GASK1B: variants seen among roughly 807,000 people sequenced by gnomAD.
The protein encoded by GASK1B is golgi associated kinase 1B.
Under a neutral mutation model 42.8 loss-of-function variants are expected in GASK1B, and 34 were observed. That is an observed-to-expected ratio of 0.79 (90% CI 0.60 to 1.06). The LOEUF is 1.06. Ranked by LOEUF, GASK1B falls within the 50% of genes least tolerant of loss-of-function variation. The pLI, the probability that GASK1B is intolerant of heterozygous loss-of-function variation, is 0.00. For missense variants in GASK1B, 686 were observed against 661.0 expected (o/e 1.04, Z -0.42); for synonymous variants, 262 against 259.1 (o/e 1.01, Z -0.11).
rs17279270 is a variant in GASK1B at position 158,171,453 on chromosome 4, A to G, written c.-78T>C. 0.11 allele frequency: 154,876 copies of G among 1,446,334 alleles called. 9,077 individuals carry two copies. Among genetic ancestry groups the G allele is most frequent in the Non-Finnish European group, 0.12 (131,388 of 1,091,268 alleles). 89.6% of individuals were successfully genotyped at this position (1,446,334 alleles called of 1,614,324 possible). On this transcript the variant is annotated 5_prime_UTR_variant, in exon 2 of 5. Transcript: ENST00000585682. ...TGCTAATGTGATGCATGGTTTCCTG[A>G]CTTCAGCTGCCGCGTCCGCTTCGGG... is the stretch of plus-strand genomic sequence containing the variant.
At position 158,170,266 on chromosome 4, in the gene GASK1B, C is replaced by T. The variant is rs148372081; in HGVS notation, c.910+200G>A. ...GCTTACTCTTGCATGTCCAATACAG[C>T]ATTTCCCTGGAACTCTCATATCCTC... On this transcript the variant is annotated intron_variant, in intron 2 of 4. Coordinates refer to ENST00000585682, the MANE Select transcript of GASK1B (RefSeq NM_001128424.2). 5 of 1,614,108 alleles carry T rather than the reference C, an allele frequency of 3.1e-6. No homozygotes were observed. In the African/African-American group the frequency reaches 5.3e-5, roughly 17 times the overall value.
chr4:158,132,915 A>G (rs1479898641), intron 3 of GASK1B, among the ~76,000 whole-genome samples: 1 of 152,232 alleles, frequency 6.6e-6, no homozygotes, highest in Non-Finnish European at 1.5e-5. Flanking sequence ...TTTGATTGAC[A>G]TGAGAATAAG....
At chr4:158,142,489 A>G (rs1237063295) in intron 3 of GASK1B, among the ~76,000 whole-genome samples, 1 of 152,032 alleles carries the variant, frequency 6.6e-6, no homozygotes, top group Non-Finnish European at 1.5e-5. Context: ...AAGCAATGCT[A>G]TTTTTTTTCT....
In GASK1B at chr4:158,127,413, A is replaced by T. The variant is rs770046119; in HGVS notation, c.1554T>A (p.Asn518Lys). The T allele has an allele frequency of 4.4e-5, 71 of 1,611,974 alleles. No homozygotes were observed. The highest frequency in any genetic ancestry group is 5.9e-5 in the Non-Finnish European group (70 of 1,178,974). The change falls in exon 5 of 5, where the codon AAT (asparagine) becomes AAA (lysine). Residue 518 changes from asparagine to lysine, a missense_variant. By Grantham distance (94) the Asn-to-Lys change is moderately conservative. Transcript: ENST00000585682. ...NAHGVKVLPM[N>K]E ...TAGCCAGAAGATTCTTTTGTCATTCATTCATAGGTAATACTTTGACCCCGT... is the reference window on the plus strand; with the variant it reads ...TAGCCAGAAGATTCTTTTGTCATTCTTTCATAGGTAATACTTTGACCCCGT...
chr4:158,149,175 C>T (rs1313264391), intron 3 of GASK1B, among the ~76,000 whole-genome samples: 1 of 152,182 alleles, frequency 6.6e-6, no homozygotes, highest in African/African-American at 2.4e-5. Context: ...GCAAAGTGCT[C>T]TTCTCTTTTG....
At chr4:158,131,074 A>G (rs1730665930) in intron 3 of GASK1B, 62 bp from the exon 4 acceptor site, 1 of 1,386,216 alleles carries the variant, frequency 7.2e-7, no homozygotes, top group Non-Finnish European at 1.0e-6. Context: ...GAAAGTTACA[A>G]GATTTTCAAA....
At chr4:158,167,122 T>C (rs1732258022) in intron 2 of GASK1B, 1 of 152,228 alleles carries the variant, frequency 6.6e-6, no homozygotes, top group African/African-American at 2.4e-5. Context: ...AATTTATTTT[T>C]ATAAACATTA....
chr4:158,161,121 AT>A (rs1232418358), intron 2 of GASK1B, among the ~76,000 whole-genome samples: 1 of 152,148 alleles, frequency 6.6e-6, no homozygotes, highest in African/African-American at 2.4e-5. Flanking sequence ...CCCAAAAAAA[AT>A]CATCCTATGA....
chr4:158,160,952 G>A (rs1165581518), intron 2 of GASK1B, among the ~76,000 whole-genome samples: 2 of 152,096 alleles, frequency 1.3e-5, no homozygotes, highest in Non-Finnish European at 2.9e-5. Flanking sequence ...CCAGAGGCTG[G>A]GAGAGGGGGT....
chr4:158,131,098 T>A, intron 3 of GASK1B, 86 bp from the exon 4 acceptor site: 1 of 1,127,242 alleles, frequency 8.9e-7, no homozygotes, highest in Non-Finnish European at 1.3e-6. Flanking sequence ...CAGTGCTTTC[T>A]GAATAGCTGA....
rs551293616 is a variant in GASK1B at position 158,170,556 on chromosome 4, T to C, written c.820A>G (p.Met274Val). ...PCGLLKQPLD[M>V]SEVFAFHLDR... is the part of the protein sequence containing the mutation. ...AGGTGGAAGGCAAACACCTCACTCA[T>C]GTCCAAGGGCTGCTTGAGAAGCCCA... The change falls in exon 2 of 5, where the codon ATG becomes GTG. Residue 274 changes from methionine to valine, a missense_variant. Coordinates refer to ENST00000585682, the MANE Select transcript of GASK1B (RefSeq NM_001128424.2). 32 of 1,614,188 alleles carry C rather than the reference T, an allele frequency of 2.0e-5. No individual in the cohort carries two copies. The South Asian group carries it at 2.9e-4, about 14-fold the overall frequency.
At chr4:158,145,910 C>A (rs947328420) in intron 3 of GASK1B, among the ~76,000 whole-genome samples, 51 of 152,146 alleles carry the variant, frequency 3.4e-4, no homozygotes, top group Non-Finnish European at 7.2e-4. Flanking sequence ...TGTTAACACC[C>A]ATTAATTTAT....
rs976545234 is a variant in GASK1B, at chr4:158,126,303, T to C, written c.*1104A>G. The C allele has an allele frequency of 1.3e-5, 2 of 152,158 alleles. No homozygotes were observed. Among genetic ancestry groups the C allele is most frequent in the Admixed American group, 6.5e-5 (1 of 15,272 alleles). 9.4% of individuals were successfully genotyped at this position (152,158 alleles called of 1,614,324 possible). A position where few individuals can be genotyped will look rare whatever the true frequency, so the allele number is the denominator to read the frequency against. The stretch of plus-strand genomic sequence containing the variant: ...GTTAGAAGGAGTTTGGAGATGATTA[T>C]TTGAGGCTTAATATTGTCCAAATTT... On this transcript the variant is annotated 3_prime_UTR_variant, in exon 5 of 5. Transcript: ENST00000585682.
At chr4:158,131,444 T>C (rs149177708) in intron 3 of GASK1B, among the ~76,000 whole-genome samples, 98 of 152,328 alleles carry the variant, frequency 6.4e-4, no homozygotes, top group African/African-American at 2.3e-3. Context: ...AAAAAGTTTA[T>C]TGCATCCCCT....
At chr4:158,133,853 C>T (rs1730777648) in intron 3 of GASK1B, among the ~76,000 whole-genome samples, 1 of 152,014 alleles carries the variant, frequency 6.6e-6, no homozygotes, top group Non-Finnish European at 1.5e-5. Context: ...GAAAATGTTG[C>T]CACTAATTTT....
chr4:158,154,608 C>A (rs1453737717), intron 3 of GASK1B, among the ~76,000 whole-genome samples: 2 of 152,172 alleles, frequency 1.3e-5, no homozygotes, highest in East Asian at 3.8e-4. Context: ...TGCAACCAGA[C>A]CAAATGCCCA....
chr4:158,140,740 C>T (rs79037288), intron 3 of GASK1B, among the ~76,000 whole-genome samples: 3,194 of 152,274 alleles, frequency 0.021, 37 homozygotes, highest in Middle Eastern at 0.034. Flanking sequence ...ATGTTTGAAT[C>T]TCAAATGGTT....
chr4:158,132,086 G>A (rs1730705871), intron 3 of GASK1B, among the ~76,000 whole-genome samples: 2 of 152,270 alleles, frequency 1.3e-5, no homozygotes, highest in South Asian at 2.1e-4. Flanking sequence ...CAGCCTCAGA[G>A]ACATTAAGTA....
intron 3 of GASK1B, among the ~76,000 whole-genome samples, chr4:158,137,816 G>A (rs952479701): frequency 6.6e-6 from 1 of 152,082 alleles, no homozygotes; most frequent in Non-Finnish European, 1.5e-5. Flanking sequence ...ATGACAACAG[G>A]TGCCTGTTAA....
Sources: gnomAD v4.1 joint callset for allele counts (sites outside exome capture counted in the v4.1 genomes callset) on GRCh38, gnomAD v4.1.1 for gene constraint, MANE v1.5 for transcripts, NCBI Gene and HGNC (gene_info 2026-07-23, HGNC 2026-07-21) for gene names.